The following SLC2A13 variants were observed in gnomAD, a reference collection of about 807,000 sequenced individuals.
The protein encoded by SLC2A13 is solute carrier family 2 member 13, also known as proton myo-inositol cotransporter.
In SLC2A13, 32 loss-of-function variants were observed where a neutral mutation model predicts 64.4. That is an observed-to-expected ratio of 0.50 (90% CI 0.37 to 0.67). The LOEUF (loss-of-function observed/expected upper bound fraction) is 0.67. Ranked by LOEUF, SLC2A13 falls within the 30% of genes least tolerant of loss-of-function variation. The probability of loss-of-function intolerance (pLI) is 0.00; values close to 1 mark genes in which losing one functional copy is unlikely to be tolerated. For missense variants in SLC2A13, 743 were observed against 829.2 expected (o/e 0.90, Z 1.28); for synonymous variants, 338 against 327.1 (o/e 1.03, Z -0.36).
intron 4 of SLC2A13, among the ~76,000 whole-genome samples, chr12:39,880,441 CA>C (rs745886371): frequency 2.0e-5 from 3 of 151,898 alleles, no homozygotes; most frequent in Non-Finnish European, 2.9e-5. Flanking sequence ...GACATAAAGC[CA>C]AAATTAAAAG....
intron 3 of SLC2A13, among the ~76,000 whole-genome samples, chr12:39,994,091 T>C (rs1398766126): frequency 6.6e-6 from 1 of 152,138 alleles, no homozygotes; most frequent in Non-Finnish European, 1.5e-5. Context: ...AACTTACAGA[T>C]GATAAAAACT....
At chr12:40,014,112 T>C (rs976558075) in intron 3 of SLC2A13, among the ~76,000 whole-genome samples, 1 of 152,298 alleles carries the variant, frequency 6.6e-6, no homozygotes, top group South Asian at 2.1e-4. Context: ...TATAAAAACT[T>C]TGTACACCAC....
chr12:39,822,288 T>C (rs1217559720), intron 7 of SLC2A13, among the ~76,000 whole-genome samples: 1 of 152,156 alleles, frequency 6.6e-6, no homozygotes, highest in Non-Finnish European at 1.5e-5. Flanking sequence ...ATTGAAAATA[T>C]TTAACTCACT....
chr12:39,989,121 T>C (rs1443656147), intron 3 of SLC2A13, among the ~76,000 whole-genome samples: 4 of 152,152 alleles, frequency 2.6e-5, no homozygotes, highest in African/African-American at 9.7e-5. Context: ...CATTCTTGAA[T>C]AAAAGCCTAA....
intron 1 of SLC2A13, among the ~76,000 whole-genome samples, chr12:40,092,161 T>A (rs1938791398): frequency 6.6e-6 from 1 of 152,112 alleles, no homozygotes; most frequent in Non-Finnish European, 1.5e-5. Context: ...GTATAGAGGG[T>A]TTATGGGGTA....
intron 4 of SLC2A13, among the ~76,000 whole-genome samples, chr12:39,934,121 T>C (rs1945878909): frequency 6.6e-6 from 1 of 152,206 alleles, no homozygotes; most frequent in African/African-American, 2.4e-5. Context: ...AAAAAGGGAT[T>C]GTAAGGGGTG....
intron 7 of SLC2A13, among the ~76,000 whole-genome samples, chr12:39,823,503 T>C (rs1423984509): frequency 6.6e-6 from 1 of 152,236 alleles, no homozygotes; most frequent in Non-Finnish European, 1.5e-5. Flanking sequence ...AGTTTTGTAA[T>C]ACATTTGGTC....
chr12:39,817,970 A>AT (rs1942384446), intron 7 of SLC2A13, among the ~76,000 whole-genome samples: 1 of 152,028 alleles, frequency 6.6e-6, no homozygotes. Flanking sequence ...TCTTCATTCT[A>AT]TTTTGTCAGT....
At chr12:39,812,996 ATTTTTTTTTTTTTT>A (rs71449493) in intron 7 of SLC2A13, among the ~76,000 whole-genome samples, 2 of 40,600 alleles carry the variant, frequency 4.9e-5, no homozygotes, top group African/African-American at 9.3e-5. Flanking sequence ...TGCCCAGCTA[ATTTTTTTTTTTTTT>A]TTTTTTTTTT....
At position 39,821,958 on chromosome 12, in the gene SLC2A13, G is replaced by A. The variant is rs149433923; in HGVS notation, c.1445+8145C>T. ...TTATACTTTAAGTTTTAGGGTACATGTGCACAATGTGCAGGTTAGTTACAT... is the reference window on the plus strand; with the variant it reads ...TTATACTTTAAGTTTTAGGGTACATATGCACAATGTGCAGGTTAGTTACAT... On this transcript the variant is annotated intron_variant, in intron 7 of 9. Transcript: ENST00000280871. Among the ~76,000 whole-genome samples the A allele has an allele frequency of 5.4e-3, 824 of 152,122 alleles. 6 individuals are homozygous for A. Among genetic ancestry groups the A allele is most frequent in the African/African-American group, 0.019 (800 of 41,502 alleles).
intron 6 of SLC2A13, among the ~76,000 whole-genome samples, chr12:39,862,828 C>A (rs1276990770): frequency 6.6e-6 from 1 of 152,130 alleles, no homozygotes; most frequent in Non-Finnish European, 1.5e-5. Flanking sequence ...TTCATCACCT[C>A]AAGCAATTGT....
chr12:39,845,600 C>A (rs1344667349), intron 6 of SLC2A13, among the ~76,000 whole-genome samples: 1 of 152,060 alleles, frequency 6.6e-6, no homozygotes, highest in Non-Finnish European at 1.5e-5. Flanking sequence ...AAACAATCAG[C>A]CCCTGGAGCC....
chr12:39,942,225 G>GT (rs545681213), intron 4 of SLC2A13, among the ~76,000 whole-genome samples: 17 of 151,974 alleles, frequency 1.1e-4, no homozygotes, highest in African/African-American at 3.1e-4. Context: ...TTTTAGAACT[G>GT]TTTTTTTCTA....
At chr12:39,799,168 C>T (rs897615303) in intron 7 of SLC2A13, among the ~76,000 whole-genome samples, 3 of 150,536 alleles carry the variant, frequency 2.0e-5, no homozygotes, top group Admixed American at 6.6e-5. Context: ...CTGCAACCTC[C>T]GCCTCCCAGG....
At chr12:39,829,380 G>A (rs1450109333) in intron 7 of SLC2A13, 1 of 123,868 alleles carries the variant, frequency 8.1e-6, no homozygotes, top group Non-Finnish European at 1.6e-5. Context: ...AGAATGTAAT[G>A]TGATAGTAAT....
intron 7 of SLC2A13, among the ~76,000 whole-genome samples, chr12:39,776,702 A>G (rs967713002): frequency 6.6e-6 from 1 of 150,646 alleles, no homozygotes; most frequent in Non-Finnish European, 1.5e-5. Flanking sequence ...CTAGATTTCC[A>G]TGAGGTAGGG....
intron 2 of SLC2A13, among the ~76,000 whole-genome samples, chr12:40,035,437 T>C (rs914208790): frequency 4.6e-5 from 7 of 152,206 alleles, no homozygotes; most frequent in African/African-American, 7.2e-5. Context: ...AAAGAAAACA[T>C]TGCCACATTG....
intron 3 of SLC2A13, among the ~76,000 whole-genome samples, chr12:40,027,355 T>G (rs1319697040): frequency 6.6e-6 from 1 of 152,192 alleles, no homozygotes; most frequent in East Asian, 1.9e-4. Context: ...GCTCACAGTT[T>G]GTTGAGGCTT....
At chr12:39,801,339 TAAAAA>T (rs34671641) in intron 7 of SLC2A13, among the ~76,000 whole-genome samples, 91,604 of 126,808 alleles carry the variant, frequency 0.72, 32,351 homozygotes, top group Non-Finnish European at 0.76. Context: ...ATGAGGAAAT[TAAAAA>T]AAAAAAAAAA....
Sources: allele counts gnomAD v4.1 joint callset (sites outside exome capture counted in the v4.1 genomes callset), GRCh38; gene constraint gnomAD v4.1.1; transcripts MANE v1.5; gene names NCBI Gene and HGNC (gene_info 2026-07-23, HGNC 2026-07-21).